The following INKA2 variants were observed in gnomAD, a reference collection of about 807,000 sequenced individuals.
The protein encoded by INKA2 is inka box actin regulator 2.
A neutral mutation model predicts 9.8 loss-of-function variants in INKA2; 3 were observed. That is an observed-to-expected ratio of 0.31 (90% CI 0.14 to 0.79). INKA2 has a LOEUF of 0.79. Among genes scored for constraint, INKA2 ranks in the 30% least tolerant of loss-of-function variants. The pLI, the probability that INKA2 is intolerant of heterozygous loss-of-function variation, is 0.62. For synonymous variants in INKA2, 147 were observed against 143.3 expected, an observed-to-expected ratio of 1.03 and a Z score of -0.18; for missense variants, 392 against 384.4, an observed-to-expected ratio of 1.02 and a Z score of -0.17.
intron 1 of INKA2, 27 bp from the exon 2 acceptor site, chr1:111,727,831 C>G: frequency 6.3e-7 from 1 of 1,596,544 alleles, no homozygotes; most frequent in Non-Finnish European, 8.5e-7. Context: ...AAGCATGGGG[C>G]CTATGAGCCA....
chr1:111,731,042 A>T (rs1662895883), intron 1 of INKA2, among the ~76,000 whole-genome samples: 1 of 152,220 alleles, frequency 6.6e-6, no homozygotes. Flanking sequence ...GGTCGGAGGT[A>T]GAGGGAGGAA....
upstream of INKA2, chr1:111,739,532 A>T (rs1194624226): frequency 4.5e-6 from 4 of 895,900 alleles, no homozygotes; most frequent in African/African-American, 1.8e-5. Flanking sequence ...GCCGAGGCGG[A>T]CCCTACCGCA....
upstream of INKA2, chr1:111,739,527 G>T: frequency 1.0e-6 from 1 of 962,630 alleles, no homozygotes; most frequent in Non-Finnish European, 1.4e-6. Flanking sequence ...GGGCGGCCGA[G>T]GCGGACCCTA....
Position 111,727,109 on chromosome 1 carries a change from C to T in INKA2, c.753G>A (p.Arg251=). 1 of 1,614,250 alleles carries T rather than the reference C, an allele frequency of 6.2e-7. No individual in the cohort carries two copies. Among genetic ancestry groups the T allele is most frequent in the African/African-American group, 1.3e-5 (1 of 75,080 alleles). The change falls in exon 2 of 2, where the codon CGG becomes CGA. Residue 251 remains arginine, a synonymous_variant. Coordinates refer to ENST00000357260, the MANE Select transcript of INKA2 (RefSeq NM_019099.5). ...RTGRSQKVKK[R]SLSKGSGHFP... ...AATGTCCAGAGCCCTTGGAAAGGCT[C>T]CGCTTCTTGACCTTCTGTGAGCGGC...
At chr1:111,740,971 TAAAAAAAAAAAAAAAAAAAAAA>T (rs869221820), upstream of INKA2, among the ~76,000 whole-genome samples, 142 of 38,404 alleles carry the variant, frequency 3.7e-3, 15 homozygotes, top group Middle Eastern at 0.015. Flanking sequence ...AAACTCCGTT[TAAAAAAAAAAAAAAAAAAAAAA>T]AAAAAAAAAA....
At chr1:111,738,550 G>A (rs1238957964) in intron 1 of INKA2, among the ~76,000 whole-genome samples, 1 of 152,032 alleles carries the variant, frequency 6.6e-6, no homozygotes, top group Non-Finnish European at 1.5e-5. Flanking sequence ...CCAGCGCAGG[G>A]CCCTCCCCCG....
chr1:111,741,758 C>T (rs2101382925), upstream of INKA2, among the ~76,000 whole-genome samples: 1 of 152,324 alleles, frequency 6.6e-6, no homozygotes, highest in South Asian at 2.1e-4. Flanking sequence ...GCCTCACTCC[C>T]AGGCTGGAGT....
rs971750855 is a variant in INKA2 at position 111,726,710 on chromosome 1, T to C, written c.*258A>G. ...CATGCATGCCAGACAGACACACACA[T>C]GCACACACACACACACACACGCACA... On this transcript the variant is annotated 3_prime_UTR_variant, in exon 2 of 2. Coordinates refer to ENST00000357260, the MANE Select transcript of INKA2 (RefSeq NM_019099.5). The C allele has an allele frequency of 1.9e-5, 9 of 482,056 alleles. No homozygotes were observed. The highest frequency in any genetic ancestry group is 3.6e-5 in the East Asian group (1 of 27,552). 29.9% of individuals were successfully genotyped at this position (482,056 alleles called of 1,614,324 possible).
At chr1:111,740,630 T>G (rs1663123527), upstream of INKA2, among the ~76,000 whole-genome samples, 1 of 152,202 alleles carries the variant, frequency 6.6e-6, no homozygotes, top group Non-Finnish European at 1.5e-5. Flanking sequence ...GCACGAACGG[T>G]GCCGGCGCCG....
At chr1:111,747,034 C>T (rs1163779652) in intron 1 of INKA2, 1 of 152,208 alleles carries the variant, frequency 6.6e-6, no homozygotes, top group Non-Finnish European at 1.5e-5. Context: ...AAAAGTGTAG[C>T]GCAGAAATGT....
chr1:111,741,572 A>G (rs750290265), upstream of INKA2, among the ~76,000 whole-genome samples: 27 of 152,352 alleles, frequency 1.8e-4, no homozygotes, highest in Admixed American at 1.3e-4. Context: ...CATATAGTCC[A>G]CAGAGGGGGA....
intron 1 of INKA2, among the ~76,000 whole-genome samples, chr1:111,732,258 C>T (rs961930794): frequency 6.6e-6 from 1 of 152,154 alleles, no homozygotes; most frequent in African/African-American, 2.4e-5. Context: ...CCTCTCAGGT[C>T]CCCGGGCTTC....
intron 1 of INKA2, chr1:111,745,293 A>ATATATATATATTT (rs1358304932): frequency 4.7e-4 from 23 of 49,262 alleles, no homozygotes; most frequent in African/African-American, 1.4e-3. Flanking sequence ...ATATATATAT[A>ATATATATATATTT]TTTTTTTTTT....
chr1:111,742,018 G>T (rs1322152625), upstream of INKA2, among the ~76,000 whole-genome samples: 1 of 151,826 alleles, frequency 6.6e-6, no homozygotes, highest in Non-Finnish European at 1.5e-5. Context: ...GCCTGGCCTG[G>T]TGAAATAGTC....
At position 111,727,547 on chromosome 1, in the gene INKA2, A is replaced by G. The variant is rs1662812820; in HGVS notation, c.315T>C (p.Phe105=). Residue 105 remains phenylalanine (F), a synonymous_variant, in exon 2 of 2, where the codon TTT becomes TTC. Transcript: ENST00000357260. ...TTCCACAGACACTCCTATGGGATGG[A>G]AACTTGGTGCTGCTGCCAAGAGAAG... ...SQPSLGSSTK[F]PSHRSVCGRD... 1.2e-6 allele frequency: 2 copies of G among 1,613,662 alleles called. No homozygotes were observed. The highest frequency in any genetic ancestry group is 1.1e-5 in the South Asian group (1 of 91,028).
Position 111,744,580 on chromosome 1 carries a change from T to G in INKA2, n.124+11121A>C, listed in dbSNP as rs1236445153. On this transcript the variant is annotated intron_variant and non_coding_transcript_variant, in intron 1 of 1. Transcript: ENST00000444059. Reference sequence around the variant, plus strand: ...AGAATTGCCATCACTCTTTTTTTTTTTTTTTGAGACAGAGTCCCGCTCTGT... The same window carrying G: ...AGAATTGCCATCACTCTTTTTTTTTGTTTTTGAGACAGAGTCCCGCTCTGT... 2.6e-5 allele frequency: 4 copies of G among 151,726 alleles called. No homozygotes were observed. In the East Asian group the frequency reaches 7.7e-4, roughly 29 times the overall value. The allele number at this position is 151,726 out of a possible 1,614,324, so 9.4% of individuals were successfully genotyped here.
chr1:111,750,703 C>T (rs1247878767), intron 1 of INKA2, among the ~76,000 whole-genome samples: 1 of 152,132 alleles, frequency 6.6e-6, no homozygotes, highest in Non-Finnish European at 1.5e-5. Flanking sequence ...GATCCCAAAC[C>T]TAGGTGATGC....
At chr1:111,755,155 TGCGGAGGCGGATGC>T (rs1392963329) in intron 1 of INKA2, 1 of 158,802 alleles carries the variant, frequency 6.3e-6, no homozygotes, top group East Asian at 1.9e-4. Context: ...TGGAGGCGGA[TGCGGAGGCGGATGC>T]ATGGAGGCGG....
chr1:111,732,637 T>TA (rs1440118667), intron 1 of INKA2, among the ~76,000 whole-genome samples: 2 of 151,026 alleles, frequency 1.3e-5, no homozygotes, highest in Non-Finnish European at 2.9e-5. Flanking sequence ...GTAAAACCCT[T>TA]AATAACCATA....
Sources: gnomAD v4.1 joint callset for allele counts (sites outside exome capture counted in the v4.1 genomes callset) on GRCh38, gnomAD v4.1.1 for gene constraint, MANE v1.5 for transcripts, NCBI Gene and HGNC (gene_info 2026-07-23, HGNC 2026-07-21) for gene names.